The following ELFN2 variants were observed in gnomAD, a reference collection of about 807,000 sequenced individuals.
ELFN2 encodes protein phosphatase 1 regulatory subunit 29.
Under a neutral mutation model 45.5 loss-of-function variants are expected in ELFN2, and 17 were observed. That is an observed-to-expected ratio of 0.37 (90% confidence interval 0.26 to 0.56). ELFN2 has a LOEUF of 0.56. Ranked by LOEUF, ELFN2 falls within the 20% of genes least tolerant of loss-of-function variation. The pLI, the probability that ELFN2 is intolerant of heterozygous loss-of-function variation, is 0.77. For missense variants in ELFN2, 922 were observed against 1,183.2 expected (o/e 0.78, Z 3.24); for synonymous variants, 550 against 551.5 (o/e 1.00, Z 0.04).
chr22:37,360,624 A>G (rs1402955167), intron 1 of ELFN2, among the ~76,000 whole-genome samples: 1 of 152,148 alleles, frequency 6.6e-6, no homozygotes, highest in Non-Finnish European at 1.5e-5. Context: ...GACTGAGGGG[A>G]GTCGATGATC....
chr22:37,356,669 T>C (rs1385564218), intron 1 of ELFN2, among the ~76,000 whole-genome samples: 1 of 152,198 alleles, frequency 6.6e-6, no homozygotes, highest in Non-Finnish European at 1.5e-5. Context: ...TGGGGCACTG[T>C]TCTAAACACT....
intron 2 of ELFN2, among the ~76,000 whole-genome samples, chr22:37,407,208 G>A (rs558406921): frequency 1.3e-5 from 2 of 152,258 alleles, no homozygotes; most frequent in African/African-American, 4.8e-5. Flanking sequence ...CAGGAAGCCT[G>A]CGTTCAATTA....
intron 1 of ELFN2, among the ~76,000 whole-genome samples, chr22:37,423,964 G>A (rs1932829556): frequency 6.6e-6 from 1 of 152,190 alleles, no homozygotes; most frequent in African/African-American, 2.4e-5. Context: ...GGCTGGGACG[G>A]CAGGAGGCAG....
At chr22:37,363,106 A>G (rs1323848486), downstream of ELFN2, among the ~76,000 whole-genome samples, 1 of 152,188 alleles carries the variant, frequency 6.6e-6, no homozygotes, top group Non-Finnish European at 1.5e-5. Context: ...CTGCGTAGTT[A>G]TTTTAAAAGT....
chr22:37,403,659 C>T (rs1481847068), intron 2 of ELFN2, among the ~76,000 whole-genome samples: 1 of 152,232 alleles, frequency 6.6e-6, no homozygotes, highest in East Asian at 1.9e-4. Flanking sequence ...ACCCCCACCA[C>T]AGGAAAAGGC....
chr22:37,386,498 G>C (rs946713566), intron 2 of ELFN2, among the ~76,000 whole-genome samples: 1 of 152,180 alleles, frequency 6.6e-6, no homozygotes, highest in Non-Finnish European at 1.5e-5. Context: ...CCAGGCGATC[G>C]CAAGGGGTCA....
intron 1 of ELFN2, among the ~76,000 whole-genome samples, chr22:37,344,515 C>T (rs1280997639): frequency 1.3e-5 from 2 of 152,042 alleles, no homozygotes; most frequent in African/African-American, 4.8e-5. Context: ...CTGCTGCCCC[C>T]ACACAGGTGG....
intron 2 of ELFN2, among the ~76,000 whole-genome samples, chr22:37,396,231 T>C (rs984163133): frequency 2.0e-5 from 3 of 152,312 alleles, no homozygotes; most frequent in Admixed American, 6.5e-5. Flanking sequence ...CAATTCCCCA[T>C]CAAAAGCTTG....
At chr22:37,416,691 T>C (rs1293149580) in intron 2 of ELFN2, among the ~76,000 whole-genome samples, 1 of 151,808 alleles carries the variant, frequency 6.6e-6, no homozygotes, top group Non-Finnish European at 1.5e-5. Context: ...ACCCGCCCAC[T>C]GTGCCTCACT....
intron 1 of ELFN2, chr22:37,353,406 C>T (rs1930870699): frequency 6.6e-6 from 1 of 151,140 alleles, no homozygotes; most frequent in Admixed American, 6.6e-5. Flanking sequence ...CTGTTCCCTT[C>T]TCAGCCTTGA....
intron 2 of ELFN2, among the ~76,000 whole-genome samples, chr22:37,376,341 G>A (rs986098288): frequency 6.6e-6 from 1 of 151,970 alleles, no homozygotes; most frequent in African/African-American, 2.4e-5. Context: ...CCCCCTACCT[G>A]CACAGAGACC....
chr22:37,408,345 C>T (rs188255931), intron 2 of ELFN2, among the ~76,000 whole-genome samples: 59 of 152,336 alleles, frequency 3.9e-4, no homozygotes, highest in Admixed American at 3.7e-3. Context: ...CTGGCACAGG[C>T]GTCCCTTGAA....
chr22:37,348,408 G>C (rs1930745747), intron 1 of ELFN2, among the ~76,000 whole-genome samples: 1 of 151,310 alleles, frequency 6.6e-6, no homozygotes, highest in African/African-American at 2.4e-5. Context: ...TGTGTTAGGG[G>C]GCAGGGAAGG....
chr22:37,418,660 A>G (rs1932784820), intron 1 of ELFN2, among the ~76,000 whole-genome samples: 1 of 148,518 alleles, frequency 6.7e-6, no homozygotes, highest in African/African-American at 2.5e-5. Flanking sequence ...GGTCACTCGG[A>G]TCACCAACGC....
chr22:37,349,003 A>C (rs1930760204), intron 1 of ELFN2, among the ~76,000 whole-genome samples: 1 of 151,068 alleles, frequency 6.6e-6, no homozygotes, highest in African/African-American at 2.4e-5. Flanking sequence ...CGTTTAGTGC[A>C]TGCTGGGCGC....
At chr22:37,412,291 AAAAAG>A (rs1156819022) in intron 2 of ELFN2, among the ~76,000 whole-genome samples, 2 of 151,000 alleles carry the variant, frequency 1.3e-5, no homozygotes, top group East Asian at 1.9e-4. Context: ...AAAAAAAAAA[AAAAAG>A]AAAGAAAGAA....
intron 2 of ELFN2, among the ~76,000 whole-genome samples, chr22:37,379,803 G>T (rs1026875743): frequency 1.3e-5 from 2 of 152,060 alleles, no homozygotes; most frequent in Non-Finnish European, 2.9e-5. Context: ...CCCCTCTCCG[G>T]TTAGTCAGCT....
At position 37,373,132 on chromosome 22, in the gene ELFN2, G is replaced by C; in HGVS notation, c.2403C>G (p.Asp801Glu). ...ALRKKVQFAK[D>E]EDLHDILDYW... is the part of the protein sequence containing the mutation. ...AATCAAGGATGTCATGCAGATCCTC[G>C]TCCTTGGCGAACTGGACCTTCTTGC... Residue 801 changes from aspartate (D) to glutamate (E), a missense_variant, in exon 3 of 3, where the codon GAC becomes GAG. Physicochemically the swap from Asp to Glu is conservative, Grantham distance 45. Transcript: ENST00000402918. The C allele has an allele frequency of 1.2e-6, 2 of 1,612,954 alleles. No individual in the cohort carries two copies. Among genetic ancestry groups the C allele is most frequent in the Middle Eastern group, 1.7e-4 (1 of 6,056 alleles).
intron 2 of ELFN2, among the ~76,000 whole-genome samples, chr22:37,416,809 C>T (rs1193768245): frequency 6.6e-6 from 1 of 152,178 alleles, no homozygotes; most frequent in East Asian, 1.9e-4. Flanking sequence ...CCGGGGCGCA[C>T]CCACCACCCT....
Sources: gnomAD v4.1 joint callset for allele counts (sites outside exome capture counted in the v4.1 genomes callset) on GRCh38, gnomAD v4.1.1 for gene constraint, MANE v1.5 for transcripts, NCBI Gene and HGNC (gene_info 2026-07-23, HGNC 2026-07-21) for gene names.